SUPT3H: variants seen among roughly 807,000 people sequenced by gnomAD.
SUPT3H encodes transcription initiation protein SPT3 homolog.
A neutral mutation model predicts 44.3 loss-of-function variants in SUPT3H; 44 were observed. The ratio of observed to expected loss-of-function variants is 0.99; its 90% CI spans 0.78 to 1.28. The LOEUF is 1.28. Among genes scored for constraint, SUPT3H ranks in the 50% most tolerant of loss-of-function variants. The probability of loss-of-function intolerance (pLI) is 0.00; values close to 1 mark genes in which losing one functional copy is unlikely to be tolerated. For synonymous variants in SUPT3H, 124 were observed against 125.6 expected, an observed-to-expected ratio of 0.99 and a Z score of 0.09; for missense variants, 380 against 387.1, an observed-to-expected ratio of 0.98 and a Z score of 0.15.
chr6:44,844,329 G>C (rs1771514422), intron 10 of SUPT3H, among the ~76,000 whole-genome samples: 1 of 151,930 alleles, frequency 6.6e-6, no homozygotes, highest in Non-Finnish European at 1.5e-5. Flanking sequence ...TATAAGCAAA[G>C]CTTTCTTAGC....
chr6:45,020,935 C>T (rs956381200), intron 3 of SUPT3H, among the ~76,000 whole-genome samples: 3 of 151,866 alleles, frequency 2.0e-5, no homozygotes, highest in Non-Finnish European at 4.4e-5. Flanking sequence ...AAAATGATTT[C>T]ATGAAATTTT....
chr6:44,905,486 G>C (rs919808784), intron 10 of SUPT3H, among the ~76,000 whole-genome samples: 3 of 150,702 alleles, frequency 2.0e-5, no homozygotes, highest in South Asian at 2.1e-4. Flanking sequence ...TCTCACACCA[G>C]TTAGAATGGC....
chr6:45,142,226 A>G (rs1367735161), intron 2 of SUPT3H, among the ~76,000 whole-genome samples: 1 of 152,212 alleles, frequency 6.6e-6, no homozygotes, highest in African/African-American at 2.4e-5. Flanking sequence ...CCAAGCCAGC[A>G]CTACAAGAAA....
chr6:44,820,582 A>G (rs1170401771), intron 11 of SUPT3H, among the ~76,000 whole-genome samples: 2 of 152,238 alleles, frequency 1.3e-5, no homozygotes, highest in Non-Finnish European at 2.9e-5. Flanking sequence ...ATTCATTCAT[A>G]TAATACTGAC....
At chr6:45,104,732 T>C (rs1583561164) in intron 3 of SUPT3H, among the ~76,000 whole-genome samples, 2 of 151,950 alleles carry the variant, frequency 1.3e-5, no homozygotes, top group Non-Finnish European at 2.9e-5. Flanking sequence ...AAGAAATGTG[T>C]GAAGCTAAAA....
intron 10 of SUPT3H, among the ~76,000 whole-genome samples, chr6:44,842,939 G>T (rs1377768351): frequency 6.6e-6 from 1 of 151,966 alleles, no homozygotes; most frequent in Non-Finnish European, 1.5e-5. Context: ...CTTTTGAAAA[G>T]AAACATACTG....
At chr6:45,082,538 C>G (rs962966187) in intron 3 of SUPT3H, among the ~76,000 whole-genome samples, 1 of 152,000 alleles carries the variant, frequency 6.6e-6, no homozygotes, top group Non-Finnish European at 1.5e-5. Context: ...GAATTAAAAA[C>G]AAAAACCATA....
chr6:45,333,214 T>A (rs34677014), intron 2 of SUPT3H, among the ~76,000 whole-genome samples: 22,871 of 151,542 alleles, frequency 0.15, 1,965 homozygotes, highest in East Asian at 0.26. Context: ...CTGGATATAT[T>A]TTTTGATTAA....
chr6:45,347,655 T>A (rs947069733), intron 2 of SUPT3H, among the ~76,000 whole-genome samples: 4 of 151,984 alleles, frequency 2.6e-5, no homozygotes, highest in African/African-American at 7.2e-5. Context: ...GAGAAAAAAA[T>A]TTTAAATAAA....
At chr6:45,365,709 C>T (rs200804889) in intron 1 of SUPT3H, among the ~76,000 whole-genome samples, 15 of 148,846 alleles carry the variant, frequency 1.0e-4, no homozygotes, top group African/African-American at 2.7e-4. Flanking sequence ...ATTCAGGCCA[C>T]GGAACAACCC....
At position 44,828,480 on chromosome 6, in the gene SUPT3H, G is replaced by GT. The variant is rs1450103688; in HGVS notation, c.*1335dup. ...GCCTCATAATTCTTTGAGTCTGATG[G>GT]TTTTCAAATAAAAAGTCTTGAATTT... On this transcript the variant is annotated 3_prime_UTR_variant, in exon 11 of 11. Coordinates refer to ENST00000371459, the MANE Select transcript of SUPT3H (RefSeq NM_003599.4). Among the ~76,000 whole-genome samples the GT allele has an allele frequency of 6.6e-6, 1 of 152,132 alleles. No individual in the cohort carries two copies. The highest frequency in any genetic ancestry group is 1.5e-5 in the Non-Finnish European group (1 of 67,978).
intron 6 of SUPT3H, among the ~76,000 whole-genome samples, chr6:44,992,853 A>G (rs1295968358): frequency 6.6e-6 from 1 of 152,162 alleles, no homozygotes; most frequent in East Asian, 1.9e-4. Context: ...TTATATATCC[A>G]GAAATGTTAG....
At chr6:44,946,536 A>G (rs529803305) in intron 9 of SUPT3H, among the ~76,000 whole-genome samples, 1 of 152,314 alleles carries the variant, frequency 6.6e-6, no homozygotes, top group East Asian at 1.9e-4. Context: ...AATGGCTTTG[A>G]GCGGTCCAGA....
At chr6:45,219,663 C>G (rs1254685408) in intron 2 of SUPT3H, among the ~76,000 whole-genome samples, 1 of 152,042 alleles carries the variant, frequency 6.6e-6, no homozygotes, top group Admixed American at 6.6e-5. Context: ...AATTCCAAAA[C>G]AATTATCTAG....
rs536476779 is a variant in SUPT3H, at chr6:44,893,316, C to T, written c.912+39337G>A. Reference sequence around the variant, plus strand: ...TATGTATACATGTGCCATGCTGGTGCGCTGCACCCACTAACTCGTCATCTA... The same window carrying T: ...TATGTATACATGTGCCATGCTGGTGTGCTGCACCCACTAACTCGTCATCTA... On this transcript the variant is annotated intron_variant, in intron 10 of 10. Transcript: ENST00000371459. 3.8e-4 allele frequency among the ~76,000 whole-genome samples: 58 copies of T among 152,134 alleles called. 2 individuals are homozygous for T. The East Asian group carries it at 9.9e-3, about 26-fold the overall frequency.
At chr6:45,255,613 G>T (rs943997333) in intron 2 of SUPT3H, among the ~76,000 whole-genome samples, 4 of 151,408 alleles carry the variant, frequency 2.6e-5, no homozygotes, top group African/African-American at 9.7e-5. Flanking sequence ...TGTAGAAATG[G>T]GGTCTCACTA....
At chr6:45,092,632 C>T (rs1583491796) in intron 3 of SUPT3H, among the ~76,000 whole-genome samples, 2 of 151,826 alleles carry the variant, frequency 1.3e-5, no homozygotes, top group Admixed American at 1.3e-4. Context: ...CACCTGTAAT[C>T]CCAGCTACTT....
intron 2 of SUPT3H, among the ~76,000 whole-genome samples, chr6:45,364,590 A>G (rs1474115234): frequency 1.3e-5 from 2 of 152,200 alleles, no homozygotes; most frequent in Admixed American, 1.3e-4. Flanking sequence ...CCTCTTATCA[A>G]ATCAAGAGAT....
At chr6:45,353,550 TG>T (rs1792512839) in intron 2 of SUPT3H, among the ~76,000 whole-genome samples, 1 of 152,078 alleles carries the variant, frequency 6.6e-6, no homozygotes, top group South Asian at 2.1e-4. Context: ...TAATTTGAGA[TG>T]GTAAGTACAC....
Sources: gnomAD v4.1 joint callset for allele counts (sites outside exome capture counted in the v4.1 genomes callset) on GRCh38, gnomAD v4.1.1 for gene constraint, MANE v1.5 for transcripts, NCBI Gene and HGNC (gene_info 2026-07-23, HGNC 2026-07-21) for gene names.